The following SERGEF variants were observed in gnomAD, a reference collection of about 807,000 sequenced individuals.
SERGEF encodes secretion regulating guanine nucleotide exchange factor.
SERGEF carries 51 observed loss-of-function variants against 50.0 expected under a neutral mutation model. The observed-to-expected ratio is 1.02, with a 90% CI of 0.81 to 1.29. SERGEF has a LOEUF of 1.29. Among genes scored for constraint, SERGEF ranks in the 50% most tolerant of loss-of-function variants. The pLI is 0.00. For missense variants in SERGEF, 521 were observed against 557.0 expected, an observed-to-expected ratio of 0.94 and a Z score of 0.65; for synonymous variants, 205 against 212.4, an observed-to-expected ratio of 0.97 and a Z score of 0.30.
intron 10 of SERGEF, among the ~76,000 whole-genome samples, chr11:17,867,356 G>A (rs4044329): frequency 0.23 from 34,994 of 152,240 alleles, 4,694 homozygotes; most frequent in African/African-American, 0.36. Flanking sequence ...ATCCAGTAGC[G>A]TAGTCAAATC....
At chr11:17,964,553 A>G (rs1853079654) in intron 8 of SERGEF, among the ~76,000 whole-genome samples, 1 of 152,216 alleles carries the variant, frequency 6.6e-6, no homozygotes, top group Non-Finnish European at 1.5e-5. Context: ...TGAAGATAGC[A>G]AAATGGAGTC....
chr11:17,852,505 C>T (rs1047795802), intron 10 of SERGEF, among the ~76,000 whole-genome samples: 4 of 152,154 alleles, frequency 2.6e-5, no homozygotes, highest in African/African-American at 9.7e-5. Context: ...CCCCACTTCA[C>T]CCCCTCCATT....
At chr11:17,911,241 G>A (rs1211717250) in intron 9 of SERGEF, among the ~76,000 whole-genome samples, 1 of 150,606 alleles carries the variant, frequency 6.6e-6, no homozygotes, top group Non-Finnish European at 1.5e-5. Context: ...GGAAAGGTGA[G>A]TAACTTGTAT....
chr11:17,891,478 A>G (rs1029030056), intron 9 of SERGEF, among the ~76,000 whole-genome samples: 58 of 152,344 alleles, frequency 3.8e-4, no homozygotes, highest in African/African-American at 1.3e-3. Context: ...ATTTTAAGAT[A>G]CTGAATTTAA....
intron 10 of SERGEF, among the ~76,000 whole-genome samples, chr11:17,858,224 C>T (rs1850861528): frequency 6.6e-6 from 1 of 152,096 alleles, no homozygotes; most frequent in Non-Finnish European, 1.5e-5. Flanking sequence ...ACTAGGCAAC[C>T]TATCTCTTGC....
rs538913214 is a variant in SERGEF, at chr11:17,880,956, T to C, written c.1012-2712A>G. Among the ~76,000 whole-genome samples the C allele has an allele frequency of 2.0e-5, 3 of 152,346 alleles. No individual in the cohort carries two copies. In the South Asian group the frequency reaches 6.2e-4, roughly 32 times the overall value. On this transcript the variant is annotated intron_variant, in intron 9 of 10. Transcript: ENST00000265965. ...CCAGCATATATTGAGGATTCATACA[T>C]GCCAGGTGTCATGCCAAGGTACTTT...
chr11:17,788,770 C>G (rs758349753), intron 10 of SERGEF, among the ~76,000 whole-genome samples: 5 of 152,252 alleles, frequency 3.3e-5, no homozygotes, highest in Non-Finnish European at 5.9e-5. Flanking sequence ...TTTCCATCTC[C>G]TCAGCCAGCT....
intron 9 of SERGEF, chr11:17,926,759 T>C (rs1175595906): frequency 6.6e-6 from 3 of 456,084 alleles, no homozygotes; most frequent in African/African-American, 4.0e-5. Context: ...TCCAAAAGAC[T>C]ATCTTGATGC....
At chr11:17,957,608 A>C (rs1444629624) in intron 9 of SERGEF, among the ~76,000 whole-genome samples, 1 of 152,214 alleles carries the variant, frequency 6.6e-6, no homozygotes, top group African/African-American at 2.4e-5. Flanking sequence ...GGTAGAGCCA[A>C]CTTCTGCCAA....
chr11:17,905,776 T>C (rs2133924470), intron 9 of SERGEF, among the ~76,000 whole-genome samples: 1 of 152,266 alleles, frequency 6.6e-6, no homozygotes, highest in Non-Finnish European at 1.5e-5. Context: ...GCTCTGGTCC[T>C]TTCCTCTCTG....
At chr11:17,819,998 T>C (rs1332913109) in intron 10 of SERGEF, among the ~76,000 whole-genome samples, 1 of 152,042 alleles carries the variant, frequency 6.6e-6, no homozygotes. Flanking sequence ...CCACCACACT[T>C]GGCTAATTAA....
At chr11:17,957,278 T>C (rs1852895616) in intron 9 of SERGEF, among the ~76,000 whole-genome samples, 1 of 152,308 alleles carries the variant, frequency 6.6e-6, no homozygotes, top group Admixed American at 6.5e-5. Context: ...ATTAAAAAAT[T>C]TCAAACGGTA....
At chr11:18,011,150 A>C (rs1293750939) in intron 1 of SERGEF, among the ~76,000 whole-genome samples, 1 of 150,116 alleles carries the variant, frequency 6.7e-6, no homozygotes, top group East Asian at 1.9e-4. Context: ...ACACACACAC[A>C]CACACACACA....
At chr11:17,931,512 C>G (rs1852352021) in intron 9 of SERGEF, among the ~76,000 whole-genome samples, 1 of 152,118 alleles carries the variant, frequency 6.6e-6, no homozygotes, top group African/African-American at 2.4e-5. Flanking sequence ...ATATGTCCTA[C>G]CCATTCTTCT....
At chr11:17,990,164 AAGTCAAAC>A (rs1252823117) in intron 7 of SERGEF, among the ~76,000 whole-genome samples, 2 of 152,218 alleles carry the variant, frequency 1.3e-5, no homozygotes, top group African/African-American at 4.8e-5. Context: ...AACTGACAGA[AAGTCAAAC>A]AGTATCATTA....
chr11:17,984,424 A>C (rs1853554730), intron 8 of SERGEF, among the ~76,000 whole-genome samples: 1 of 152,186 alleles, frequency 6.6e-6, no homozygotes, highest in African/African-American at 2.4e-5. Flanking sequence ...AGATCTCATG[A>C]GAACTCACTC....
intron 8 of SERGEF, among the ~76,000 whole-genome samples, chr11:17,965,943 T>C (rs569417738): frequency 2.0e-5 from 3 of 152,348 alleles, no homozygotes; most frequent in Admixed American, 6.5e-5. Flanking sequence ...ATAAAGCCTA[T>C]GGCACATACT....
chr11:17,923,098 T>C lies in SERGEF; in HGVS notation c.1011+36372A>G, dbSNP rs138348539. On this transcript the variant is annotated intron_variant, in intron 9 of 10. Coordinates refer to ENST00000265965, the MANE Select transcript of SERGEF (RefSeq NM_012139.4). ...ATATACATCAGTTTGCATTCCTCTCTAGCTGACCCATCTATGAGGTCTGCC... is the reference window on the plus strand; with the variant it reads ...ATATACATCAGTTTGCATTCCTCTCCAGCTGACCCATCTATGAGGTCTGCC... 2.5e-4 allele frequency among the ~76,000 whole-genome samples: 38 copies of C among 152,340 alleles called. No homozygotes were observed. The East Asian group carries it at 3.1e-3, about 12-fold the overall frequency.
At chr11:17,972,821 CT>C (rs966985348) in intron 8 of SERGEF, among the ~76,000 whole-genome samples, 1 of 152,054 alleles carries the variant, frequency 6.6e-6, no homozygotes, top group Non-Finnish European at 1.5e-5. Context: ...TCCTCACTGC[CT>C]CCATCCCAGG....
Sources: gnomAD v4.1 joint callset for allele counts (sites outside exome capture counted in the v4.1 genomes callset) on GRCh38, gnomAD v4.1.1 for gene constraint, MANE v1.5 for transcripts, NCBI Gene and HGNC (gene_info 2026-07-23, HGNC 2026-07-21) for gene names.